The following STK39 variants were observed in gnomAD, a reference collection of about 807,000 sequenced individuals.
The protein encoded by STK39 is STE20/SPS1-related proline-alanine-rich protein kinase.
Under a neutral mutation model 77.8 loss-of-function variants are expected in STK39, and 20 were observed. The observed-to-expected ratio is 0.26, with a 90% CI of 0.18 to 0.37. STK39 has a LOEUF of 0.37. Ranked by LOEUF, STK39 falls within the 10% of genes least tolerant of loss-of-function variation. STK39 has a pLI of 1.00. For missense variants in STK39, 479 were observed against 656.5 expected (o/e 0.73, Z 2.95); for synonymous variants, 246 against 234.1 (o/e 1.05, Z -0.47).
intron 3 of STK39, among the ~76,000 whole-genome samples, chr2:168,166,866 A>G (rs1688705563): frequency 6.6e-6 from 1 of 152,168 alleles, no homozygotes; most frequent in Non-Finnish European, 1.5e-5. Context: ...ACAATGTTAA[A>G]AAGAAAGGAC....
chr2:168,126,248 G>A (rs1425448122), intron 10 of STK39, among the ~76,000 whole-genome samples: 1 of 152,062 alleles, frequency 6.6e-6, no homozygotes, highest in Admixed American at 6.5e-5. Flanking sequence ...AGCCTCTGAG[G>A]AGCAATCTAT....
intron 14 of STK39, among the ~76,000 whole-genome samples, chr2:168,034,660 G>T (rs750340534): frequency 6.6e-6 from 1 of 152,208 alleles, no homozygotes; most frequent in Non-Finnish European, 1.5e-5. Context: ...AACACAGGGT[G>T]CTATTTAATT....
chr2:168,105,116 A>G (rs976678216), intron 10 of STK39, among the ~76,000 whole-genome samples: 2 of 152,234 alleles, frequency 1.3e-5, no homozygotes, highest in Non-Finnish European at 2.9e-5. Flanking sequence ...ACATGTGAAG[A>G]ACAATTTCAA....
At position 168,077,953 on chromosome 2, in the gene STK39, G is replaced by A. The variant is rs189634017; in HGVS notation, c.1090-2722C>T. ...AGCTTCCATCTTCCCCACACCCAAC[G>A]ATGAGAATGGAGATTATTTACCCTT... On this transcript the variant is annotated intron_variant, in intron 10 of 17. Coordinates refer to ENST00000355999, the MANE Select transcript of STK39 (RefSeq NM_013233.3). Among the ~76,000 whole-genome samples the A allele has an allele frequency of 2.2e-3, 324 of 149,752 alleles. 4 individuals carry two copies. The highest frequency in any genetic ancestry group is 7.6e-3 in the African/African-American group (311 of 40,752).
At chr2:168,108,566 G>GA (rs1249622283) in intron 10 of STK39, among the ~76,000 whole-genome samples, 1 of 147,870 alleles carries the variant, frequency 6.8e-6, no homozygotes, top group Non-Finnish European at 1.5e-5. Context: ...AAAAAGAAAA[G>GA]AAAATAAAAA....
intron 14 of STK39, among the ~76,000 whole-genome samples, chr2:168,061,986 G>A (rs975493384): frequency 6.6e-5 from 10 of 152,160 alleles, no homozygotes; most frequent in Admixed American, 4.6e-4. Flanking sequence ...TCTTCAGGAG[G>A]AAGAACCATC....
At chr2:168,243,011 C>T (rs1690810829) in intron 1 of STK39, among the ~76,000 whole-genome samples, 1 of 151,174 alleles carries the variant, frequency 6.6e-6, no homozygotes, top group Non-Finnish European at 1.5e-5. Flanking sequence ...GCATTTCAGA[C>T]ATCATTTAGT....
At chr2:168,232,301 C>T (rs912688176) in intron 1 of STK39, 3 of 154,640 alleles carry the variant, frequency 1.9e-5, no homozygotes, top group Non-Finnish European at 4.3e-5. Context: ...GGAAAGAACA[C>T]TTTCTGTACA....
chr2:168,135,786 A>G (rs531965664), intron 8 of STK39, among the ~76,000 whole-genome samples: 5 of 152,312 alleles, frequency 3.3e-5, no homozygotes, highest in Non-Finnish European at 5.9e-5. Context: ...TGGGAAGGTG[A>G]TGTGCCACTA....
At chr2:168,226,626 C>G (rs1354425867) in intron 1 of STK39, among the ~76,000 whole-genome samples, 2 of 151,964 alleles carry the variant, frequency 1.3e-5, no homozygotes. Flanking sequence ...CCATCCCACC[C>G]CACCTCACCC....
chr2:167,954,628 T>C lies in STK39; in HGVS notation c.*868A>G, dbSNP rs200646449. On this transcript the variant is annotated 3_prime_UTR_variant, in exon 18 of 18. Coordinates refer to ENST00000355999, the MANE Select transcript of STK39 (RefSeq NM_013233.3). ...GTCCAATGAAGCAAAACTTAACATA[T>C]GCCACCTTATATAGAGGAAATTTTA... 6.6e-6 allele frequency: 1 copy of C among 152,624 alleles called. No individual in the cohort carries two copies. 9.5% of individuals were successfully genotyped at this position (152,624 alleles called of 1,614,324 possible).
At chr2:168,051,204 G>A (rs77288606) in intron 14 of STK39, among the ~76,000 whole-genome samples, 1,995 of 152,272 alleles carry the variant, frequency 0.013, 49 homozygotes, top group African/African-American at 0.045. Context: ...AACTGGAGAG[G>A]AGAATTTTTA....
chr2:168,058,300 A>G (rs1293691210), intron 14 of STK39, among the ~76,000 whole-genome samples: 1 of 152,088 alleles, frequency 6.6e-6, no homozygotes, highest in African/African-American at 2.4e-5. Flanking sequence ...TCCTTTCTTC[A>G]AACACTTCCT....
intron 14 of STK39, among the ~76,000 whole-genome samples, chr2:168,049,451 T>C (rs1411208163): frequency 6.6e-6 from 1 of 152,220 alleles, no homozygotes; most frequent in African/African-American, 2.4e-5. Context: ...TGGACTTTTC[T>C]TTCATTGGAA....
At chr2:168,218,896 C>G (rs1436286795) in intron 1 of STK39, among the ~76,000 whole-genome samples, 2 of 151,888 alleles carry the variant, frequency 1.3e-5, no homozygotes, top group East Asian at 1.9e-4. Flanking sequence ...CGTGTTAAAT[C>G]TTACTACATA....
At chr2:168,119,399 T>C (rs1243042489) in intron 10 of STK39, among the ~76,000 whole-genome samples, 1 of 152,174 alleles carries the variant, frequency 6.6e-6, no homozygotes, top group Non-Finnish European at 1.5e-5. Context: ...TCCAATCCCA[T>C]CTTCAAAATT....
intron 12 of STK39, among the ~76,000 whole-genome samples, chr2:168,068,503 C>T (rs1194406131): frequency 1.3e-5 from 2 of 152,162 alleles, no homozygotes; most frequent in Admixed American, 6.5e-5. Flanking sequence ...TTGACAGTCA[C>T]ATGGCAGCGC....
At chr2:167,984,466 G>C (rs964995983) in intron 16 of STK39, among the ~76,000 whole-genome samples, 1 of 152,192 alleles carries the variant, frequency 6.6e-6, no homozygotes, top group African/African-American at 2.4e-5. Flanking sequence ...TCTGAGAGCT[G>C]CACTGAAGCG....
At chr2:168,078,971 T>C (rs1052553598) in intron 10 of STK39, among the ~76,000 whole-genome samples, 5 of 152,124 alleles carry the variant, frequency 3.3e-5, no homozygotes, top group African/African-American at 1.2e-4. Flanking sequence ...AAGAACCTAC[T>C]GCACCAGCAG....
Sources: allele counts gnomAD v4.1 joint callset (sites outside exome capture counted in the v4.1 genomes callset), GRCh38; gene constraint gnomAD v4.1.1; transcripts MANE v1.5; gene names NCBI Gene and HGNC (gene_info 2026-07-23, HGNC 2026-07-21).